The following F2 variants were observed in gnomAD, a reference collection of about 807,000 sequenced individuals.
F2 encodes the protein prothrombin.
Under a neutral mutation model 81.9 loss-of-function variants are expected in F2, and 34 were observed. That is an observed-to-expected ratio of 0.42 (90% CI 0.32 to 0.55). The LOEUF (loss-of-function observed/expected upper bound fraction) is 0.55. F2 is among the 20% of genes least tolerant of loss of function. The pLI, the probability that F2 is intolerant of heterozygous loss-of-function variation, is 0.18. For missense variants in F2, 630 were observed against 833.4 expected (o/e 0.76, Z 3.00); for synonymous variants, 296 against 326.4 (o/e 0.91, Z 1.01).
In F2 at chr11:46,721,294, G is replaced by A. The variant is rs184898435; in HGVS notation, c.316+454G>A. On this transcript the variant is annotated intron_variant, in intron 4 of 13. Transcript: ENST00000311907. ...CCTGACCTCGTGATCCACCCACCTC[G>A]GCCTCAAAGTGCTGGGATTATAGAA... Among the ~76,000 whole-genome samples the A allele has an allele frequency of 7.2e-5, 11 of 152,144 alleles. No individual in the cohort carries two copies. In the East Asian group the frequency reaches 9.6e-4, roughly 13 times the overall value.
At position 46,729,527 on chromosome 11, in the gene F2, C is replaced by A. The variant is rs2064897560; in HGVS notation, c.1620C>A (p.Thr540=). The change falls in exon 12 of 14, where the codon ACC becomes ACA. Residue 540 remains threonine, a synonymous_variant. Transcript: ENST00000311907. ...IVERPVCKDS[T]RIRITDNMFC... ...AGCGGCCGGTCTGCAAGGACTCCAC[C>A]CGGATCCGCATCACTGACAACATGT... 5 of 1,613,850 alleles carry A rather than the reference C, an allele frequency of 3.1e-6. No homozygotes were observed. The highest frequency in any genetic ancestry group is 3.4e-6 in the Non-Finnish European group (4 of 1,179,818).
chr11:46,719,284 G>C lies in F2; in HGVS notation c.49G>C (p.Ala17Pro). 1 of 1,613,508 alleles carries C rather than the reference G, an allele frequency of 6.2e-7. No homozygotes were observed. Among genetic ancestry groups the C allele is most frequent in the Non-Finnish European group, 8.5e-7 (1 of 1,179,978 alleles). The change falls in exon 1 of 14, where the codon GCC becomes CCC. Residue 17 changes from alanine to proline, a missense_variant. Physicochemically the swap from Ala to Pro is conservative, Grantham distance 27. Transcript: ENST00000311907. The surrounding 1 kb of genome is among the most constrained non-coding windows in gnomAD (Gnocchi z 4.7). ...GCTGCCTGGCTGCCTGGCCCTGGCT[G>C]CCCTGTGTAGCCTTGTGCACAGCCA... ...LQLPGCLALA[A>P]LCSLVHSQHV... is the part of the protein sequence containing the mutation.
At position 46,739,328 on chromosome 11, in the gene F2, G is replaced by T. The variant is rs765968944; in HGVS notation, c.1789G>T (p.Asp597Tyr). Residue 597 changes from aspartate (D) to tyrosine (Y), a missense_variant, in exon 14 of 14, where the codon GAT becomes TAT. Transcript: ENST00000311907. The part of the protein sequence containing the change: ...IVSWGEGCDR[D>Y]GKYGFYTHVF... ...CTCATGGGGTGAAGGCTGTGACCGG[G>T]ATGGGAAATATGGCTTCTACACACA... The T allele has an allele frequency of 5.0e-6, 8 of 1,614,072 alleles. No individual in the cohort carries two copies. The East Asian group carries it at 1.8e-4, about 36-fold the overall frequency.
At position 46,719,717 on chromosome 11, in the gene F2, AGCAAGCACGGTC is replaced by A. The variant is rs769517071; in HGVS notation, c.98_109del (p.Gln33_Ser36del). 1 of 1,592,740 alleles carries A rather than the reference AGCAAGCACGGTC, an allele frequency of 6.3e-7. No homozygotes were observed. The highest frequency in any genetic ancestry group is 8.5e-7 in the Non-Finnish European group (1 of 1,170,930). ...CGCCTTACAGTGTTCCTGGCTCCTC[AGCAAGCACGGTC>A]GCTGCTCCAGCGGGTCCGGCGAGCC... On this transcript the variant is annotated inframe_deletion, in exon 2 of 14. Transcript: ENST00000311907. The surrounding 1 kb of genome is among the most constrained non-coding windows in gnomAD (Gnocchi z 4.7).
chr11:46,726,435 G>C lies in F2; in HGVS notation c.875-63G>C. ...TCCAAGGCCCGTAGGGGAATTGGGG[G>C]GATCTAGGGGATGGGTGAGGAATGG... On this transcript the variant is annotated intron_variant, in intron 7 of 13. Transcript: ENST00000311907. This position sits in a 1 kb window ranked among gnomAD's most constrained non-coding sequence, Gnocchi z 5.9. The C allele has an allele frequency of 6.3e-7, 1 of 1,581,896 alleles. No homozygotes were observed. Among genetic ancestry groups the C allele is most frequent in the African/African-American group, 1.3e-5 (1 of 74,334 alleles).
At chr11:46,724,584 C>T (rs1164642827) in intron 6 of F2, among the ~76,000 whole-genome samples, 1 of 152,158 alleles carries the variant, frequency 6.6e-6, no homozygotes, top group Non-Finnish European at 1.5e-5. Flanking sequence ...TTGGCCAGAG[C>T]AAGTATATGT....
chr11:46,728,800 C>T lies in F2; in HGVS notation c.1435C>T (p.His479Tyr), dbSNP rs2064892340. ...KKPVAFSDYI[H>Y]PVCLPDRETA... ...GCCTGTTGCCTTCAGTGACTACATTCACCCTGTGTGTCTGCCCGACAGGGA... is the reference window on the plus strand; with the variant it reads ...GCCTGTTGCCTTCAGTGACTACATTTACCCTGTGTGTCTGCCCGACAGGGA... The change falls in exon 11 of 14, where the codon CAC becomes TAC. Residue 479 changes from histidine (H) to tyrosine (Y), a missense_variant. Coordinates refer to ENST00000311907, the MANE Select transcript of F2 (RefSeq NM_000506.5). This position sits in a 1 kb window ranked among gnomAD's most constrained non-coding sequence, Gnocchi z 5.1. 6.2e-7 allele frequency: 1 copy of T among 1,614,186 alleles called. No individual in the cohort carries two copies. The highest frequency in any genetic ancestry group is 8.5e-7 in the Non-Finnish European group (1 of 1,180,040).
rs751383590 is a variant in F2, at chr11:46,737,333, G to A, written c.1655-1715G>A. 8.6e-5 allele frequency among the ~76,000 whole-genome samples: 13 copies of A among 151,710 alleles called. No individual in the cohort carries two copies. The South Asian group carries it at 1.0e-3, about 12-fold the overall frequency. ...ATTTTTTTATATTTTTAGTAGAGAC[G>A]GGGTTTCACCATGTTAGCCAGGCTG... On this transcript the variant is annotated intron_variant, in intron 12 of 13. Coordinates refer to ENST00000311907, the MANE Select transcript of F2 (RefSeq NM_000506.5).
chr11:46,729,456 A>AT lies in F2; in HGVS notation c.1549_1550insT (p.Lys517IlefsTer30). On this transcript the variant is annotated frameshift_variant, in exon 12 of 14. Coordinates refer to ENST00000311907, the MANE Select transcript of F2 (RefSeq NM_000506.5). LOFTEE classifies it high-confidence loss of function. Reference sequence around the variant, plus strand: ...GGAGACGTGGACAGCCAACGTTGGTAAGGGGCAGCCCAGTGTCCTGCAGGT... The same window carrying AT: ...GGAGACGTGGACAGCCAACGTTGGTATAGGGGCAGCCCAGTGTCCTGCAGGT... The AT allele has an allele frequency of 6.2e-7, 1 of 1,614,106 alleles. No homozygotes were observed. Among genetic ancestry groups the AT allele is most frequent in the Non-Finnish European group, 8.5e-7 (1 of 1,180,008 alleles).
At chr11:46,738,419 G>A (rs898282953) in intron 12 of F2, among the ~76,000 whole-genome samples, 44 of 152,056 alleles carry the variant, frequency 2.9e-4, no homozygotes, top group African/African-American at 1.0e-3. Flanking sequence ...CAGACTTGTA[G>A]GTCTAACTTT....
Position 46,724,902 on chromosome 11 carries a change from C to T in F2, c.560-957C>T, listed in dbSNP as rs552349892. Among the ~76,000 whole-genome samples, 3 of 150,098 alleles carry T rather than the reference C, an allele frequency of 2.0e-5. No individual in the cohort carries two copies. In the South Asian group the frequency reaches 6.4e-4, roughly 32 times the overall value. On this transcript the variant is annotated intron_variant, in intron 6 of 13. Coordinates refer to ENST00000311907, the MANE Select transcript of F2 (RefSeq NM_000506.5). The stretch of plus-strand genomic sequence containing the variant: ...TCCCCTGCTTCAGCCTCCTGAGTAG[C>T]TAGGATTACAGGCGTGTGCCACCAC...
intron 2 of F2, chr11:46,720,243 C>T (rs914775436): frequency 1.8e-6 from 1 of 564,622 alleles, no homozygotes. Flanking sequence ...CTCTGTGTCG[C>T]CTTTCCTGTC....
Position 46,723,043 on chromosome 11 carries a change from G to A in F2, c.317-137G>A. The stretch of plus-strand genomic sequence containing the variant: ...GTGAATGGGAGAACTGCTGGTTGCA[G>A]AGGAAGAGGGGCTGGGTGAATGCAG... On this transcript the variant is annotated intron_variant, in intron 4 of 13. Coordinates refer to ENST00000311907, the MANE Select transcript of F2 (RefSeq NM_000506.5). This position sits in a 1 kb window ranked among gnomAD's most constrained non-coding sequence, Gnocchi z 5.6. 1 of 802,512 alleles carries A rather than the reference G, an allele frequency of 1.2e-6. No homozygotes were observed. The highest frequency in any genetic ancestry group is 1.3e-5 in the South Asian group (1 of 74,146). 49.7% of individuals were successfully genotyped at this position (802,512 alleles called of 1,614,324 possible). A position where few individuals can be genotyped will look rare whatever the true frequency, so the allele number is the denominator to read the frequency against.
chr11:46,720,833 T>C lies in F2; in HGVS notation c.309T>C (p.Cys103=). ...CGCCTCGAGATAAGCTTGCTGCATG[T>C]CTGGAAGGTGAGCAACTGACACGGG... ...ARTPRDKLAA[C]LEGNCAEGLG... The change falls in exon 4 of 14, where the codon TGT becomes TGC. Residue 103 remains cysteine, a synonymous_variant. Coordinates refer to ENST00000311907, the MANE Select transcript of F2 (RefSeq NM_000506.5). 1 of 1,613,938 alleles carries C rather than the reference T, an allele frequency of 6.2e-7. No homozygotes were observed. Among genetic ancestry groups the C allele is most frequent in the Non-Finnish European group, 8.5e-7 (1 of 1,180,020 alleles).
chr11:46,729,678 G>C lies in F2; in HGVS notation c.1654+117G>C, dbSNP rs1046187110. On this transcript the variant is annotated intron_variant, in intron 12 of 13. Coordinates refer to ENST00000311907, the MANE Select transcript of F2 (RefSeq NM_000506.5). Reference sequence around the variant, plus strand: ...AGTTGCCTAACCTCTTGGTGGCTCAGTTTCTTCCTCTGTAAAATGGAGGTA... The same window carrying C: ...AGTTGCCTAACCTCTTGGTGGCTCACTTTCTTCCTCTGTAAAATGGAGGTA... 4 of 1,155,782 alleles carry C rather than the reference G, an allele frequency of 3.5e-6. No individual in the cohort carries two copies. The Admixed American group carries it at 9.1e-5, about 26-fold the overall frequency. The allele number at this position is 1,155,782 out of a possible 1,614,324, so 71.6% of individuals were successfully genotyped here. A position where few individuals can be genotyped will look rare whatever the true frequency, so the allele number is the denominator to read the frequency against.
intron 12 of F2, among the ~76,000 whole-genome samples, chr11:46,737,031 CTTATT>C (rs1429094020): frequency 6.6e-6 from 1 of 152,056 alleles, no homozygotes; most frequent in Non-Finnish European, 1.5e-5. Flanking sequence ...CTATTGGTAT[CTTATT>C]TTATGTATTT....
Position 46,739,119 on chromosome 11 carries a change from G to C in F2, c.1725+1G>C, listed in dbSNP as rs1565709539. ...CAGTGGGGGACCCTTTGTCATGAAG[G>C]TAAGCTTCTCTAAAGCCCAGGGCCT... On this transcript the variant is annotated splice_donor_variant, in intron 13 of 13. Coordinates refer to ENST00000311907, the MANE Select transcript of F2 (RefSeq NM_000506.5). LOFTEE classifies it high-confidence loss of function. 1 of 1,613,754 alleles carries C rather than the reference G, an allele frequency of 6.2e-7. No individual in the cohort carries two copies.
chr11:46,733,064 A>G (rs1403564947), intron 12 of F2, among the ~76,000 whole-genome samples: 1 of 152,184 alleles, frequency 6.6e-6, no homozygotes, highest in Non-Finnish European at 1.5e-5. Context: ...ATAAAAAACC[A>G]TGAGTTCCTA....
chr11:46,729,232 G>A (rs2064895163), intron 11 of F2, 148 bp from the exon 12 acceptor site: 7 of 832,310 alleles, frequency 8.4e-6, no homozygotes, highest in African/African-American at 5.1e-5. Context: ...CACCCGCCTC[G>A]GCCTCCCAAA....
Sources: gnomAD v4.1 joint callset for allele counts (sites outside exome capture counted in the v4.1 genomes callset) on GRCh38, gnomAD v4.1.1 for gene constraint, Gnocchi (gnomAD v3.1) non-coding constraint, MANE v1.5 for transcripts, NCBI Gene and HGNC (gene_info 2026-07-23, HGNC 2026-07-21) for gene names.